LPCAT1: variants seen among roughly 807,000 people sequenced by gnomAD.
LPCAT1 encodes the protein 1-acylglycerol-3-phosphate O-acyltransferase.
Under a neutral mutation model 60.9 loss-of-function variants are expected in LPCAT1, and 23 were observed. The observed-to-expected ratio is 0.38, with a 90% confidence interval of 0.27 to 0.53. The LOEUF (loss-of-function observed/expected upper bound fraction) is 0.53. Ranked by LOEUF, LPCAT1 falls within the 20% of genes least tolerant of loss-of-function variation. LPCAT1 has a pLI of 0.82. For synonymous variants in LPCAT1, 340 were observed against 301.1 expected (o/e 1.13, Z -1.34); for missense variants, 622 against 723.6 (o/e 0.86, Z 1.61).
chr5:1,509,690 C>T (rs1736296234), intron 1 of LPCAT1, among the ~76,000 whole-genome samples: 1 of 152,186 alleles, frequency 6.6e-6, no homozygotes, highest in Non-Finnish European at 1.5e-5. Context: ...ACCAAAACAC[C>T]TTTATTCATA....
At chr5:1,485,030 T>C (rs929352998) in intron 5 of LPCAT1, among the ~76,000 whole-genome samples, 1 of 152,194 alleles carries the variant, frequency 6.6e-6, no homozygotes, top group African/African-American at 2.4e-5. Flanking sequence ...ACACGCAGTG[T>C]GGAGGAAATA....
At chr5:1,516,991 C>T (rs1458006900) in intron 1 of LPCAT1, among the ~76,000 whole-genome samples, 1 of 152,192 alleles carries the variant, frequency 6.6e-6, no homozygotes, top group African/African-American at 2.4e-5. Flanking sequence ...AAAAGTATCC[C>T]CCAGGGTTGC....
intron 1 of LPCAT1, among the ~76,000 whole-genome samples, chr5:1,507,484 G>C (rs558445061): frequency 6.6e-6 from 1 of 152,242 alleles, no homozygotes; most frequent in Non-Finnish European, 1.5e-5. Context: ...GCTTTGGTGC[G>C]GACTGCGGCC....
chr5:1,478,681 C>T (rs537262553), intron 8 of LPCAT1, among the ~76,000 whole-genome samples: 98 of 152,396 alleles, frequency 6.4e-4, no homozygotes, highest in African/African-American at 1.9e-3. Context: ...AGTGAACAGC[C>T]GGGCTGAAAG....
At chr5:1,486,460 C>T (rs1560969836) in intron 5 of LPCAT1, among the ~76,000 whole-genome samples, 1 of 152,176 alleles carries the variant, frequency 6.6e-6, no homozygotes, top group Non-Finnish European at 1.5e-5. Context: ...GGCGGGGAGT[C>T]AGCAGTGGTG....
intron 1 of LPCAT1, among the ~76,000 whole-genome samples, chr5:1,516,420 T>C (rs1038971460): frequency 6.6e-6 from 1 of 152,134 alleles, no homozygotes; most frequent in Non-Finnish European, 1.5e-5. Context: ...CAGGGTAGCC[T>C]AGGAGAACAA....
intron 3 of LPCAT1, among the ~76,000 whole-genome samples, chr5:1,491,214 G>A (rs61285505): frequency 0.31 from 35,210 of 112,344 alleles, 4,430 homozygotes; most frequent in East Asian, 0.46. Context: ...TAAAAAGGAC[G>A]ATATCGGAAG....
At chr5:1,507,448 C>T (rs748666361) in intron 1 of LPCAT1, among the ~76,000 whole-genome samples, 3 of 152,278 alleles carry the variant, frequency 2.0e-5, no homozygotes, top group Non-Finnish European at 2.9e-5. Context: ...GGCGTCCAGG[C>T]AGTGACCTGC....
chr5:1,474,469 G>A, intron 10 of LPCAT1, 91 bp downstream of exon 10: 1 of 1,467,744 alleles, frequency 6.8e-7, no homozygotes, highest in African/African-American at 1.4e-5. Flanking sequence ...TATCTCCTCA[G>A]TTCCCCTCCC....
chr5:1,501,258 G>A (rs1434232087), intron 2 of LPCAT1, among the ~76,000 whole-genome samples: 7 of 152,204 alleles, frequency 4.6e-5, no homozygotes, highest in Non-Finnish European at 1.0e-4. Context: ...GAGCAGGACT[G>A]TGGCGGAGGC....
At chr5:1,499,539 G>A (rs768167398) in intron 2 of LPCAT1, among the ~76,000 whole-genome samples, 7 of 152,138 alleles carry the variant, frequency 4.6e-5, no homozygotes, top group Non-Finnish European at 1.0e-4. Context: ...TGGTTAAAAC[G>A]TTTCAAAAAC....
intron 1 of LPCAT1, among the ~76,000 whole-genome samples, chr5:1,505,918 C>A (rs940709599): frequency 2.0e-5 from 3 of 152,254 alleles, no homozygotes; most frequent in African/African-American, 7.2e-5. Flanking sequence ...GTCAGTGCAC[C>A]TGCTCCTGTT....
intron 1 of LPCAT1, among the ~76,000 whole-genome samples, chr5:1,507,792 CA>C (rs1736232445): frequency 6.6e-6 from 1 of 152,246 alleles, no homozygotes; most frequent in Admixed American, 6.5e-5. Context: ...AGCAGCACAG[CA>C]GACCAGTGGG....
At position 1,477,619 on chromosome 5, in the gene LPCAT1, C is replaced by T. The variant is rs955265454; in HGVS notation, c.817-133G>A. On this transcript the variant is annotated intron_variant, in intron 8 of 13. Coordinates refer to ENST00000283415, the MANE Select transcript of LPCAT1 (RefSeq NM_024830.5). The surrounding 1 kb of genome is among the most constrained non-coding windows in gnomAD (Gnocchi z 6.0). Reference sequence around the variant, plus strand: ...CCATTAGAACCGTCTTCAAAGTTGTCATGTGCACGTGTGTGTACGCACACA... The same window carrying T: ...CCATTAGAACCGTCTTCAAAGTTGTTATGTGCACGTGTGTGTACGCACACA... 3.1e-6 allele frequency: 2 copies of T among 648,938 alleles called. No homozygotes were observed. The highest frequency in any genetic ancestry group is 3.6e-5 in the African/African-American group (2 of 54,984). The allele number at this position is 648,938 out of a possible 1,614,324, so 40.2% of individuals were successfully genotyped here. A position where few individuals can be genotyped will look rare whatever the true frequency, so the allele number is the denominator to read the frequency against.
intron 2 of LPCAT1, among the ~76,000 whole-genome samples, chr5:1,498,345 A>C (rs1386354391): frequency 1.3e-5 from 2 of 152,180 alleles, no homozygotes; most frequent in Admixed American, 1.3e-4. Context: ...GCACCAAGCC[A>C]AGCCCAGGAC....
rs1231767380 is a variant in LPCAT1 at position 1,477,070 on chromosome 5, C to G, written c.899+334G>C. ...GATGAGCAAAGGTAGGCGTGGAGGC[C>G]GCCGCACAGATGTGAAGTTGGCCCA... On this transcript the variant is annotated intron_variant, in intron 9 of 13. Coordinates refer to ENST00000283415, the MANE Select transcript of LPCAT1 (RefSeq NM_024830.5). The surrounding 1 kb of genome is among the most constrained non-coding windows in gnomAD (Gnocchi z 6.0). Among the ~76,000 whole-genome samples the G allele has an allele frequency of 6.6e-6, 1 of 152,186 alleles. No homozygotes were observed. Among genetic ancestry groups the G allele is most frequent in the Non-Finnish European group, 1.5e-5 (1 of 68,034 alleles).
At chr5:1,473,884 G>A (rs1734789283) in intron 11 of LPCAT1, 73 bp downstream of exon 11, 1 of 1,539,000 alleles carries the variant, frequency 6.5e-7, no homozygotes, top group African/African-American at 1.4e-5. Context: ...ATTTATATTA[G>A]AATGAGAACA....
chr5:1,506,269 C>T (rs1012787461), intron 1 of LPCAT1, among the ~76,000 whole-genome samples: 15 of 152,324 alleles, frequency 9.8e-5, no homozygotes, highest in African/African-American at 3.4e-4. Flanking sequence ...GCATCTCCAC[C>T]GATCTGCCTT....
chr5:1,499,445 A>ACT lies in LPCAT1; in HGVS notation c.278+2014_278+2015dup, dbSNP rs1273453421. Among the ~76,000 whole-genome samples, 3 of 152,214 alleles carry ACT rather than the reference A, an allele frequency of 2.0e-5. No homozygotes were observed. In the East Asian group the frequency reaches 5.8e-4, roughly 29 times the overall value. The stretch of plus-strand genomic sequence containing the variant: ...CCCACTTTCTAGCTGTGGCTTCTCA[A>ACT]CTCAGCAAAACTGAAAGCCTGACTT... On this transcript the variant is annotated intron_variant, in intron 2 of 13. Transcript: ENST00000283415.
Sources: gnomAD v4.1 joint callset for allele counts (sites outside exome capture counted in the v4.1 genomes callset) on GRCh38, gnomAD v4.1.1 for gene constraint, Gnocchi (gnomAD v3.1) non-coding constraint, MANE v1.5 for transcripts, NCBI Gene and HGNC (gene_info 2026-07-23, HGNC 2026-07-21) for gene names.